PRELID3A: variants seen among roughly 807,000 people sequenced by gnomAD.
PRELID3A encodes PRELI domain containing 3A, also known as PRELI domain containing protein 3A.
Under a neutral mutation model 23.0 loss-of-function variants are expected in PRELID3A, and 27 were observed. The observed-to-expected ratio is 1.17, with a 90% confidence interval of 0.87 to 1.62. The LOEUF is 1.62. Ranked by LOEUF, PRELID3A falls within the 40% of genes most tolerant of loss-of-function variation. PRELID3A has a pLI of 0.00. For missense variants in PRELID3A, 231 were observed against 231.4 expected, an observed-to-expected ratio of 1.00 and a Z score of 0.01; for synonymous variants, 87 against 86.4, an observed-to-expected ratio of 1.01 and a Z score of -0.04.
chr18:12,410,947 C>T (rs1213487141), intron 1 of PRELID3A: 1 of 152,148 alleles, frequency 6.6e-6, no homozygotes, highest in Admixed American at 6.5e-5. Flanking sequence ...GATCCACCCA[C>T]CTCGGCCTCC....
chr18:12,412,750 A>G (rs1050439042), intron 1 of PRELID3A, among the ~76,000 whole-genome samples: 2 of 152,200 alleles, frequency 1.3e-5, no homozygotes, highest in Non-Finnish European at 2.9e-5. Context: ...GCAAAACCCT[A>G]AACAGTTTTG....
At chr18:12,410,358 A>G (rs1464120676) in intron 1 of PRELID3A, among the ~76,000 whole-genome samples, 2 of 152,224 alleles carry the variant, frequency 1.3e-5, no homozygotes, top group South Asian at 2.1e-4. Flanking sequence ...ATTCTCTGCC[A>G]TAGACTTTTG....
chr18:12,408,542 T>C (rs745556718), intron 1 of PRELID3A, among the ~76,000 whole-genome samples: 55 of 152,116 alleles, frequency 3.6e-4, no homozygotes, highest in Non-Finnish European at 7.1e-4. Flanking sequence ...CTGAACTCAC[T>C]TGTAGGCATG....
In PRELID3A at chr18:12,420,385, G is replaced by A. The variant is rs775576832; in HGVS notation, c.93G>A (p.Pro31=). ...GCAAGTACCCGAACCCGATGAACCC[G>A]AGCGTGCTGGGCGTGGATGTGCTAC... ...AMRKYPNPMN[P]SVLGVDVLQR... Residue 31 remains proline, a synonymous_variant, in exon 2 of 7, where the codon CCG becomes CCA. Transcript: ENST00000440960. 5.0e-6 allele frequency: 8 copies of A among 1,610,870 alleles called. No individual in the cohort carries two copies. The highest frequency in any genetic ancestry group is 2.2e-5 in the East Asian group (1 of 44,744).
chr18:12,419,950 T>G, intron 1 of PRELID3A: 2 of 224,406 alleles, frequency 8.9e-6, no homozygotes, highest in Non-Finnish European at 8.5e-6. Context: ...TCATTCAGGT[T>G]TGGTGGCACA....
intron 3 of PRELID3A, among the ~76,000 whole-genome samples, chr18:12,424,394 C>T (rs1040265363): frequency 6.6e-6 from 1 of 152,136 alleles, no homozygotes; most frequent in African/African-American, 2.4e-5. Flanking sequence ...TCTCACATTT[C>T]TTGTATAAAA....
intron 1 of PRELID3A, among the ~76,000 whole-genome samples, chr18:12,409,854 A>C (rs1179237100): frequency 1.3e-5 from 2 of 152,154 alleles, no homozygotes; most frequent in Non-Finnish European, 2.9e-5. Flanking sequence ...TTACCGAAGG[A>C]TACTTTACAT....
intron 1 of PRELID3A, among the ~76,000 whole-genome samples, chr18:12,417,812 G>C (rs1215786080): frequency 6.6e-6 from 1 of 152,214 alleles, no homozygotes; most frequent in African/African-American, 2.4e-5. Flanking sequence ...TTCCTAGAGT[G>C]ATCAGGACCA....
chr18:12,426,288 C>T (rs1278924371), intron 3 of PRELID3A, among the ~76,000 whole-genome samples: 5 of 151,412 alleles, frequency 3.3e-5, no homozygotes, highest in African/African-American at 1.2e-4. Flanking sequence ...GGTGGAGTGG[C>T]TCACGCCTGT....
chr18:12,418,735 C>A (rs2030040926), intron 1 of PRELID3A, among the ~76,000 whole-genome samples: 1 of 152,232 alleles, frequency 6.6e-6, no homozygotes, highest in African/African-American at 2.4e-5. Flanking sequence ...TTGCTAGCAA[C>A]CCCTTAGCAG....
chr18:12,410,579 A>T (rs1448594344), intron 1 of PRELID3A: 3 of 152,196 alleles, frequency 2.0e-5, no homozygotes, highest in Non-Finnish European at 4.4e-5. Flanking sequence ...TGTTTCGTCC[A>T]TTGAAACCCC....
chr18:12,427,793 C>G (rs570025167), intron 5 of PRELID3A, among the ~76,000 whole-genome samples: 144 of 152,180 alleles, frequency 9.5e-4, no homozygotes, highest in African/African-American at 3.3e-3. Context: ...TATTTCAAAA[C>G]TAGGGTAGGG....
rs556189895 is a variant in PRELID3A, at chr18:12,420,165, C to A, written c.33-160C>A. 6.6e-5 allele frequency: 95 copies of A among 1,429,840 alleles called. No individual in the cohort carries two copies. The East Asian group carries it at 2.4e-3, about 35-fold the overall frequency. 88.6% of individuals were successfully genotyped at this position (1,429,840 alleles called of 1,614,324 possible). Reference sequence around the variant, plus strand: ...GGCGTGCAGGTGCTGAGCCGGCGGCCGGGGAGGGCTCGCGGGACTCCTCAG... The same window carrying A: ...GGCGTGCAGGTGCTGAGCCGGCGGCAGGGGAGGGCTCGCGGGACTCCTCAG... On this transcript the variant is annotated intron_variant, in intron 1 of 6. Transcript: ENST00000440960.
chr18:12,422,021 C>T (rs1049297265), intron 3 of PRELID3A, among the ~76,000 whole-genome samples: 3 of 151,834 alleles, frequency 2.0e-5, no homozygotes, highest in Admixed American at 6.6e-5. Context: ...CTCAGTGCAG[C>T]CTCGCACTCC....
chr18:12,429,330 G>C lies in PRELID3A; in HGVS notation c.466-20G>C. 6.2e-7 allele frequency: 1 copy of C among 1,613,054 alleles called. No individual in the cohort carries two copies. The highest frequency in any genetic ancestry group is 8.5e-7 in the Non-Finnish European group (1 of 1,179,616). Reference sequence around the variant, plus strand: ...GAGGCGGGACGACCCACTCAGTGCTGAAATCTTTCTGTGTTGCAGGGGTGG... The same window carrying C: ...GAGGCGGGACGACCCACTCAGTGCTCAAATCTTTCTGTGTTGCAGGGGTGG... On this transcript the variant is annotated intron_variant, in intron 5 of 6. Transcript: ENST00000440960.
chr18:12,423,511 G>A (rs2030258693), intron 3 of PRELID3A, among the ~76,000 whole-genome samples: 1 of 152,206 alleles, frequency 6.6e-6, no homozygotes, highest in African/African-American at 2.4e-5. Context: ...TCTCTGGTTA[G>A]GGCGCCAGGC....
chr18:12,428,126 C>G (rs1038761675), intron 5 of PRELID3A, among the ~76,000 whole-genome samples: 3 of 152,220 alleles, frequency 2.0e-5, no homozygotes, highest in Admixed American at 1.3e-4. Flanking sequence ...CAGCTCCTCT[C>G]TGGCAGGATT....
chr18:12,421,571 T>G lies in PRELID3A; in HGVS notation c.233T>G (p.Ile78Ser). The change falls in exon 3 of 7, where the codon ATC (isoleucine) becomes AGC (serine). Residue 78 changes from isoleucine to serine, a missense_variant. Transcript: ENST00000440960. ...GGAACCAGTAGGACATTGACATACA[T>G]CCGAGAACATTCTGTGGTGGATCCA... ...ILGTSRTLTY[I>S]REHSVVDPVE... The G allele has an allele frequency of 6.2e-7, 1 of 1,613,942 alleles. No individual in the cohort carries two copies. The highest frequency in any genetic ancestry group is 1.3e-5 in the African/African-American group (1 of 75,052).
At chr18:12,429,717 G>T (rs2030504332) in intron 6 of PRELID3A, among the ~76,000 whole-genome samples, 1 of 152,222 alleles carries the variant, frequency 6.6e-6, no homozygotes, top group African/African-American at 2.4e-5. Flanking sequence ...CCTCGGGCTG[G>T]GTTGCTGAGG....
Sources: gnomAD v4.1 joint callset for allele counts (sites outside exome capture counted in the v4.1 genomes callset) on GRCh38, gnomAD v4.1.1 for gene constraint, MANE v1.5 for transcripts, NCBI Gene and HGNC (gene_info 2026-07-23, HGNC 2026-07-21) for gene names.